Variants in MGAT4C observed in about 807,000 individuals in gnomAD.
MGAT4C encodes the protein MGAT4 family member C.
MGAT4C carries 19 observed loss-of-function variants against 40.1 expected under a neutral mutation model. The ratio of observed to expected loss-of-function variants is 0.47; its 90% CI spans 0.33 to 0.70. The LOEUF (loss-of-function observed/expected upper bound fraction) is 0.70. MGAT4C is among the 30% of genes least tolerant of loss of function. MGAT4C has a pLI of 0.02. For synonymous variants in MGAT4C, 181 were observed against 187.1 expected, an observed-to-expected ratio of 0.97 and a Z score of 0.27; for missense variants, 491 against 563.2, an observed-to-expected ratio of 0.87 and a Z score of 1.30.
chr12:86,288,111 CT>C (rs2136125020), intron 4 of MGAT4C, among the ~76,000 whole-genome samples: 2 of 152,290 alleles, frequency 1.3e-5, no homozygotes, highest in East Asian at 3.9e-4. Context: ...TGATGATGAG[CT>C]TTTTTTCATA....
At chr12:86,464,629 G>C (rs1330300313) in intron 2 of MGAT4C, among the ~76,000 whole-genome samples, 7 of 152,020 alleles carry the variant, frequency 4.6e-5, no homozygotes, top group Non-Finnish European at 1.0e-4. Flanking sequence ...ATTTACTTGA[G>C]TGCAATAACT....
At chr12:86,825,314 A>C (rs1952784153) in intron 1 of MGAT4C, among the ~76,000 whole-genome samples, 1 of 151,366 alleles carries the variant, frequency 6.6e-6, no homozygotes. Context: ...TTTAAAAAAG[A>C]AAACTTTTCA....
chr12:86,671,352 T>TTA (rs1964251540), intron 2 of MGAT4C, among the ~76,000 whole-genome samples: 1 of 152,036 alleles, frequency 6.6e-6, no homozygotes, highest in African/African-American at 2.4e-5. Context: ...GGGAAAAGGG[T>TTA]TAAAGGCAGC....
chr12:86,498,816 T>C (rs1958285852), intron 2 of MGAT4C, among the ~76,000 whole-genome samples: 1 of 151,960 alleles, frequency 6.6e-6, no homozygotes, highest in South Asian at 2.1e-4. Context: ...GTGTATTTTT[T>C]ATTGTGCTTA....
At chr12:86,102,373 A>C (rs1463811268) in intron 1 of MGAT4C, among the ~76,000 whole-genome samples, 5 of 152,068 alleles carry the variant, frequency 3.3e-5, no homozygotes, top group Admixed American at 1.3e-4. Flanking sequence ...AACTGCAGTA[A>C]TATATGTTAT....
chr12:86,171,260 T>C (rs1247567341), intron 1 of MGAT4C, among the ~76,000 whole-genome samples: 1 of 152,078 alleles, frequency 6.6e-6, no homozygotes, highest in Admixed American at 6.5e-5. Flanking sequence ...TCCCAGCTAC[T>C]TGGGAGGCTG....
chr12:86,645,418 T>C (rs2136527470), intron 2 of MGAT4C, among the ~76,000 whole-genome samples: 1 of 151,904 alleles, frequency 6.6e-6, no homozygotes, highest in Middle Eastern at 3.4e-3. Context: ...TTATAAAATT[T>C]AAATCATCTC....
intron 1 of MGAT4C, among the ~76,000 whole-genome samples, chr12:86,203,485 C>A (rs1230689906): frequency 6.6e-6 from 1 of 151,872 alleles, no homozygotes; most frequent in Non-Finnish European, 1.5e-5. Context: ...ATTTTGGAAT[C>A]CTTCTTTTGC....
At chr12:86,512,771 T>C (rs1347622770) in intron 2 of MGAT4C, among the ~76,000 whole-genome samples, 2 of 151,974 alleles carry the variant, frequency 1.3e-5, no homozygotes, top group East Asian at 1.9e-4. Context: ...TGCCAGAAGA[T>C]AAGAGGGAGA....
chr12:86,497,756 T>G (rs1480190498), intron 2 of MGAT4C, among the ~76,000 whole-genome samples: 2 of 151,292 alleles, frequency 1.3e-5, no homozygotes, highest in African/African-American at 4.8e-5. Context: ...TTGTGCCCCA[T>G]TATTTCCAAT....
chr12:86,205,105 T>C (rs1433805273), intron 1 of MGAT4C, among the ~76,000 whole-genome samples: 2 of 151,954 alleles, frequency 1.3e-5, no homozygotes, highest in African/African-American at 2.4e-5. Flanking sequence ...GGATTCTAGA[T>C]ATTTACTGGA....
rs1254233533 is a variant in MGAT4C, at chr12:86,811,292, A to G, written c.-262+27374T>C. Among the ~76,000 whole-genome samples, 3 of 150,354 alleles carry G rather than the reference A, an allele frequency of 2.0e-5. 1 individual carries two copies. Among genetic ancestry groups the G allele is most frequent in the Non-Finnish European group, 4.4e-5 (3 of 67,566 alleles). The stretch of plus-strand genomic sequence containing the variant: ...CAGTGATTTGTGCTTTCTGAAGAAC[A>G]GTTCCATTTTTTTCTAATTGATGTT... On this transcript the variant is annotated intron_variant, in intron 1 of 7. Transcript: ENST00000548651.
rs183632202 is a variant in MGAT4C, at chr12:86,800,503, T to C, written c.-262+38163A>G. 2.4e-3 allele frequency among the ~76,000 whole-genome samples: 360 copies of C among 151,928 alleles called. 5 individuals carry two copies. The highest frequency in any genetic ancestry group is 0.021 in the Admixed American group (314 of 15,170). Reference sequence around the variant, plus strand: ...TTTTCATATTGAGCTCTGGTAGATATAGGAAAAGACAATGAAATACCAGGA... The same window carrying C: ...TTTTCATATTGAGCTCTGGTAGATACAGGAAAAGACAATGAAATACCAGGA... On this transcript the variant is annotated intron_variant, in intron 1 of 7. Coordinates refer to the MGAT4C transcript ENST00000548651.
chr12:86,266,027 A>G (rs1368073492), intron 4 of MGAT4C, among the ~76,000 whole-genome samples: 2 of 152,180 alleles, frequency 1.3e-5, no homozygotes, highest in African/African-American at 4.8e-5. Context: ...ATCAAATTTA[A>G]GAGCTTTTTC....
At chr12:86,197,075 A>G (rs1249612913) in intron 1 of MGAT4C, among the ~76,000 whole-genome samples, 1 of 152,184 alleles carries the variant, frequency 6.6e-6, no homozygotes, top group Non-Finnish European at 1.5e-5. Context: ...TCTTCTGCCA[A>G]ATATCCAAGG....
intron 4 of MGAT4C, among the ~76,000 whole-genome samples, chr12:86,299,752 A>G (rs1467405154): frequency 1.3e-5 from 2 of 152,192 alleles, no homozygotes; most frequent in African/African-American, 4.8e-5. Context: ...ATGCCAAATT[A>G]TATCTTCTAT....
rs146566144 is a variant in MGAT4C at position 86,411,639 on chromosome 12, T to A, written c.-120+23518A>T. 2.0e-3 allele frequency among the ~76,000 whole-genome samples: 308 copies of A among 152,288 alleles called. 1 individual carries two copies. The highest frequency in any genetic ancestry group is 7.3e-3 in the African/African-American group (303 of 41,566). On this transcript the variant is annotated intron_variant, in intron 3 of 7. Transcript: ENST00000548651. ...AATTATATTTAAAAGGGAAGCAGACTATAAAAGTGTGGAAAAATTGCAGCC... is the reference window on the plus strand; with the variant it reads ...AATTATATTTAAAAGGGAAGCAGACAATAAAAGTGTGGAAAAATTGCAGCC...
intron 4 of MGAT4C, among the ~76,000 whole-genome samples, chr12:86,311,294 A>T (rs2136150463): frequency 6.6e-6 from 1 of 152,330 alleles, no homozygotes. Context: ...ATAGGCAATT[A>T]TAACACAGTG....
At chr12:86,443,757 C>A (rs563292813) in intron 2 of MGAT4C, among the ~76,000 whole-genome samples, 53 of 152,034 alleles carry the variant, frequency 3.5e-4, no homozygotes, top group Non-Finnish European at 6.6e-4. Context: ...CCATGTCAGG[C>A]TAATTTTTTG....
Sources: allele counts gnomAD v4.1 joint callset (sites outside exome capture counted in the v4.1 genomes callset), GRCh38; gene constraint gnomAD v4.1.1; transcripts MANE v1.5; gene names NCBI Gene and HGNC (gene_info 2026-07-23, HGNC 2026-07-21).